SH3PXD2A: variants seen among roughly 807,000 people sequenced by gnomAD.
SH3PXD2A encodes SH3 and PX domain-containing protein 2A.
Under a neutral mutation model 115.2 loss-of-function variants are expected in SH3PXD2A, and 32 were observed. The ratio of observed to expected loss-of-function variants is 0.28; its 90% CI spans 0.21 to 0.37. The LOEUF is 0.37. Among genes scored for constraint, SH3PXD2A ranks in the 10% least tolerant of loss-of-function variants. SH3PXD2A has a pLI of 1.00. For synonymous variants in SH3PXD2A, 610 were observed against 629.1 expected, an observed-to-expected ratio of 0.97 and a Z score of 0.45; for missense variants, 1,328 against 1,498.7, an observed-to-expected ratio of 0.89 and a Z score of 1.88.
rs1324175903 is a variant in SH3PXD2A, at chr10:103,617,460, G to C, written c.803-146C>G. On this transcript the variant is annotated intron_variant, in intron 10 of 14. Transcript: ENST00000369774. ...TTGGCTCTGGCTTCTCCAGGGGAGG[G>C]AAGGACCAGGCCCCAGAGGTGGCAG... 4 of 632,692 alleles carry C rather than the reference G, an allele frequency of 6.3e-6. No homozygotes were observed. The East Asian group carries it at 1.1e-4, about 17-fold the overall frequency. 39.2% of individuals were successfully genotyped at this position (632,692 alleles called of 1,614,324 possible).
chr10:103,778,410 G>A (rs1564886879), intron 2 of SH3PXD2A, among the ~76,000 whole-genome samples: 1 of 152,228 alleles, frequency 6.6e-6, no homozygotes, highest in South Asian at 2.1e-4. Context: ...CCCAGAAGGA[G>A]GCACCTCCCT....
At chr10:103,633,738 A>C (rs974590463) in intron 8 of SH3PXD2A, among the ~76,000 whole-genome samples, 146 of 143,732 alleles carry the variant, frequency 1.0e-3, no homozygotes, top group Non-Finnish European at 1.9e-3. Context: ...AAAAAAAAAA[A>C]AAAAAAAAAA....
chr10:103,611,684 C>A (rs2036431573), intron 12 of SH3PXD2A, 54 bp from the exon 13 acceptor site: 1 of 1,358,794 alleles, frequency 7.4e-7, no homozygotes, highest in African/African-American at 1.4e-5. Context: ...GGCAACAGTA[C>A]CCATACCTGC....
At chr10:103,727,535 A>G (rs2038255686) in intron 4 of SH3PXD2A, among the ~76,000 whole-genome samples, 10 of 152,096 alleles carry the variant, frequency 6.6e-5, no homozygotes, top group Admixed American at 6.5e-4. Flanking sequence ...AGGGAGAAGG[A>G]GGGACGCAGG....
At chr10:103,770,384 T>C (rs1348790873) in intron 2 of SH3PXD2A, among the ~76,000 whole-genome samples, 1 of 151,478 alleles carries the variant, frequency 6.6e-6, no homozygotes, top group East Asian at 1.9e-4. Flanking sequence ...TTAAAAACTT[T>C]TTTGTAGAGA....
At chr10:103,840,626 T>G (rs2039588003) in intron 1 of SH3PXD2A, among the ~76,000 whole-genome samples, 1 of 152,234 alleles carries the variant, frequency 6.6e-6, no homozygotes, top group Non-Finnish European at 1.5e-5. Flanking sequence ...CGCGAAGGAC[T>G]CTGGAGTCCC....
At chr10:103,712,010 A>C (rs7917880) in intron 5 of SH3PXD2A, among the ~76,000 whole-genome samples, 72,853 of 151,326 alleles carry the variant, frequency 0.48, 18,007 homozygotes, top group African/African-American at 0.6. Flanking sequence ...TGTGCCACTG[A>C]GCTCCAGCCT....
At position 103,838,103 on chromosome 10, in the gene SH3PXD2A, C is replaced by T. The variant is rs75301015; in HGVS notation, c.72+17092G>A. 1.9e-3 allele frequency among the ~76,000 whole-genome samples: 288 copies of T among 152,312 alleles called. 1 individual carries two copies. The highest frequency in any genetic ancestry group is 6.7e-3 in the African/African-American group (279 of 41,564). ...CTCACAGAACTCAGCTAGGAAATCC[C>T]CTGCTGGCCTGAATCTTTACACTCG... On this transcript the variant is annotated intron_variant, in intron 1 of 14. Coordinates refer to ENST00000369774, the MANE Select transcript of SH3PXD2A (RefSeq NM_001394015.1).
At chr10:103,658,995 T>G (rs961206065) in intron 8 of SH3PXD2A, among the ~76,000 whole-genome samples, 1 of 152,234 alleles carries the variant, frequency 6.6e-6, no homozygotes, top group Non-Finnish European at 1.5e-5. Context: ...CGTGCCAGAC[T>G]GGCCTGCTCT....
chr10:103,631,184 G>A (rs565244213), intron 8 of SH3PXD2A, among the ~76,000 whole-genome samples: 4 of 152,118 alleles, frequency 2.6e-5, no homozygotes, highest in East Asian at 1.9e-4. Flanking sequence ...AGGATCAGTC[G>A]AGCCCAGGAG....
At chr10:103,677,086 G>C (rs953009484) in intron 6 of SH3PXD2A, among the ~76,000 whole-genome samples, 1 of 152,218 alleles carries the variant, frequency 6.6e-6, no homozygotes, top group Admixed American at 6.5e-5. Context: ...AGCCGCGAGT[G>C]AGTGATGGAG....
intron 7 of SH3PXD2A, among the ~76,000 whole-genome samples, chr10:103,662,599 C>G (rs2037329669): frequency 6.6e-6 from 1 of 150,882 alleles, no homozygotes; most frequent in African/African-American, 2.4e-5. Context: ...CGGGGTTTCA[C>G]CTTGTTAGCC....
intron 2 of SH3PXD2A, among the ~76,000 whole-genome samples, chr10:103,781,796 A>G (rs568769152): frequency 7.9e-5 from 12 of 152,368 alleles, no homozygotes; most frequent in Admixed American, 2.6e-4. Flanking sequence ...AGGACTTGCC[A>G]GATGGCCTCT....
intron 2 of SH3PXD2A, among the ~76,000 whole-genome samples, chr10:103,769,182 G>GCA (rs2038792061): frequency 7.5e-6 from 1 of 133,286 alleles, no homozygotes; most frequent in African/African-American, 3.0e-5. Context: ...GTGTGTGTGT[G>GCA]CGCGCGCGCG....
At chr10:103,832,330 C>G (rs935165697) in intron 1 of SH3PXD2A, among the ~76,000 whole-genome samples, 4 of 149,218 alleles carry the variant, frequency 2.7e-5, no homozygotes, top group Admixed American at 6.7e-5. Context: ...TCTCTACACC[C>G]TAGAATCTAA....
chr10:103,736,702 C>G, intron 3 of SH3PXD2A: 1 of 1,116,396 alleles, frequency 9.0e-7, no homozygotes, highest in Non-Finnish European at 1.2e-6. Flanking sequence ...CCTAGGCTAT[C>G]TGCCACATTC....
At chr10:103,725,627 G>A (rs1404993234) in intron 4 of SH3PXD2A, among the ~76,000 whole-genome samples, 1 of 152,100 alleles carries the variant, frequency 6.6e-6, no homozygotes, top group East Asian at 1.9e-4. Flanking sequence ...AGGAGTTGGA[G>A]ACCAGCCTGG....
chr10:103,765,075 T>A (rs1260628816), intron 3 of SH3PXD2A, among the ~76,000 whole-genome samples: 1 of 152,128 alleles, frequency 6.6e-6, no homozygotes, highest in Non-Finnish European at 1.5e-5. Context: ...CCCCACGAAG[T>A]ACATTCTATC....
chr10:103,664,414 G>A (rs1383654601), intron 7 of SH3PXD2A, among the ~76,000 whole-genome samples: 1 of 152,202 alleles, frequency 6.6e-6, no homozygotes, highest in Non-Finnish European at 1.5e-5. Context: ...ACCCCATGCA[G>A]TAGGTCCTGT....
Sources: allele counts gnomAD v4.1 joint callset (sites outside exome capture counted in the v4.1 genomes callset), GRCh38; gene constraint gnomAD v4.1.1; transcripts MANE v1.5; gene names NCBI Gene and HGNC (gene_info 2026-07-23, HGNC 2026-07-21).